SLC4A8: variants seen among roughly 807,000 people sequenced by gnomAD.
SLC4A8 encodes the protein solute carrier family 4 member 8, also known as electroneutral sodium bicarbonate exchanger 1.
In SLC4A8, 40 loss-of-function variants were observed where a neutral mutation model predicts 125.0. The observed-to-expected ratio is 0.32, with a 90% CI of 0.25 to 0.42. The LOEUF (loss-of-function observed/expected upper bound fraction) is 0.42, where lower values mean the gene tolerates loss of function less well. SLC4A8 is among the 10% of genes least tolerant of loss of function. The pLI is 1.00. For missense variants in SLC4A8, 863 were observed against 1,355.1 expected (o/e 0.64, Z 5.70); for synonymous variants, 456 against 476.0 (o/e 0.96, Z 0.55).
At chr12:51,423,343 G>C (rs1174859333), upstream of SLC4A8, among the ~76,000 whole-genome samples, 1 of 152,214 alleles carries the variant, frequency 6.6e-6, no homozygotes, top group African/African-American at 2.4e-5. Flanking sequence ...CTTCTTGGAA[G>C]AGGGTGGCTT....
At chr12:51,440,159 T>C (rs1949549319) in intron 1 of SLC4A8, among the ~76,000 whole-genome samples, 1 of 152,184 alleles carries the variant, frequency 6.6e-6, no homozygotes, top group Non-Finnish European at 1.5e-5. Flanking sequence ...GAGACCAATC[T>C]ACACCAAATG....
intron 1 of SLC4A8, among the ~76,000 whole-genome samples, chr12:51,405,752 G>T (rs1447322134): frequency 6.6e-6 from 1 of 152,144 alleles, no homozygotes; most frequent in African/African-American, 2.4e-5. Flanking sequence ...CCAGGTCAAA[G>T]GTTATGAACA....
chr12:51,498,003 A>T (rs907523372), intron 22 of SLC4A8: 1 of 152,026 alleles, frequency 6.6e-6, no homozygotes, highest in African/African-American at 2.4e-5. Context: ...GTGAGCTGTG[A>T]TCATGCCACT....
chr12:51,481,828 A>G (rs990619469), intron 16 of SLC4A8, among the ~76,000 whole-genome samples: 1 of 151,866 alleles, frequency 6.6e-6, no homozygotes, highest in East Asian at 1.9e-4. Flanking sequence ...GGTGTGTGAT[A>G]GTAGTCCCAG....
Position 51,474,965 on chromosome 12 carries a change from A to G in SLC4A8, c.2011-80A>G, listed in dbSNP as rs903371015. On this transcript the variant is annotated intron_variant, in intron 15 of 24. Transcript: ENST00000453097. ...TGCTCCCAACAACCATGGGATGACA[A>G]TGAGTGGTGGACTCAGTAGGAAACA... The G allele has an allele frequency of 3.9e-6, 5 of 1,270,030 alleles. No homozygotes were observed. The South Asian group carries it at 5.5e-5, about 14-fold the overall frequency. The allele number at this position is 1,270,030 out of a possible 1,614,324, so 78.7% of individuals were successfully genotyped here.
chr12:51,405,427 G>A (rs1013443140), intron 1 of SLC4A8, among the ~76,000 whole-genome samples: 3 of 152,364 alleles, frequency 2.0e-5, no homozygotes, highest in East Asian at 1.9e-4. Flanking sequence ...GCCTGTTGAT[G>A]TTCTGTGCCT....
intron 16 of SLC4A8, among the ~76,000 whole-genome samples, chr12:51,484,358 A>G (rs1182467083): frequency 1.3e-5 from 2 of 152,208 alleles, no homozygotes; most frequent in Admixed American, 1.3e-4. Context: ...GTCATCAGAT[A>G]GGAAGGAAAA....
chr12:51,497,791 G>A (rs914446996), intron 22 of SLC4A8: 1 of 148,890 alleles, frequency 6.7e-6, no homozygotes, highest in Non-Finnish European at 1.5e-5. Context: ...GCTTTTGGGA[G>A]TTGAAGCTGG....
At chr12:51,428,533 G>A (rs980195107) in intron 1 of SLC4A8, among the ~76,000 whole-genome samples, 4 of 152,154 alleles carry the variant, frequency 2.6e-5, no homozygotes, top group Non-Finnish European at 4.4e-5. Context: ...TTGCTCAGGC[G>A]TTGAAGCTGG....
At chr12:51,440,453 G>A (rs142917995) in intron 1 of SLC4A8, among the ~76,000 whole-genome samples, 25 of 150,470 alleles carry the variant, frequency 1.7e-4, no homozygotes, top group Middle Eastern at 6.9e-3. Context: ...TCCTAGCTCC[G>A]CCTTTTATGA....
chr12:51,441,612 T>C (rs1949601192), intron 2 of SLC4A8, among the ~76,000 whole-genome samples: 1 of 152,202 alleles, frequency 6.6e-6, no homozygotes, highest in African/African-American at 2.4e-5. Context: ...AGAAGCCACA[T>C]TTGGCTCAAA....
chr12:51,461,930 A>G (rs189313498), intron 9 of SLC4A8: 50 of 214,358 alleles, frequency 2.3e-4, no homozygotes, highest in African/African-American at 1.1e-3. Context: ...TAGTAATTCC[A>G]TCCAGTGTTT....
chr12:51,440,681 T>C, intron 1 of SLC4A8, 27 bp from the exon 2 acceptor site: 1 of 1,582,710 alleles, frequency 6.3e-7, no homozygotes, highest in East Asian at 2.2e-5. Context: ...TGTGTATTAC[T>C]GTGACTACTT....
chr12:51,503,401 C>T (rs924130868), intron 22 of SLC4A8, among the ~76,000 whole-genome samples: 8 of 144,082 alleles, frequency 5.6e-5, no homozygotes, highest in Admixed American at 1.4e-4. Flanking sequence ...TTAGTAGGAA[C>T]GAGGTTTCAC....
At chr12:51,403,332 T>C (rs1321565005) in intron 1 of SLC4A8, 1 of 434,158 alleles carries the variant, frequency 2.3e-6, no homozygotes, top group South Asian at 1.6e-5. Context: ...CAGAAAGCGT[T>C]ACTTACTCAT....
chr12:51,498,346 G>A (rs376169690), intron 22 of SLC4A8, among the ~76,000 whole-genome samples: 7 of 151,756 alleles, frequency 4.6e-5, no homozygotes, highest in East Asian at 3.9e-4. Flanking sequence ...TATAATTTAC[G>A]AAAAAGAAGT....
At chr12:51,436,771 C>T (rs775732190) in intron 1 of SLC4A8, among the ~76,000 whole-genome samples, 3 of 152,092 alleles carry the variant, frequency 2.0e-5, no homozygotes, top group Admixed American at 1.3e-4. Context: ...GGATTATAGG[C>T]GTGCACCACC....
intron 1 of SLC4A8, among the ~76,000 whole-genome samples, chr12:51,433,634 C>T (rs899577792): frequency 6.6e-6 from 1 of 152,088 alleles, no homozygotes; most frequent in African/African-American, 2.4e-5. Context: ...ATAAATGATA[C>T]TATCAGAGGA....
chr12:51,404,559 C>T lies in SLC4A8; in HGVS notation c.-112+13071C>T, dbSNP rs529205245. Among the ~76,000 whole-genome samples the T allele has an allele frequency of 3.9e-5, 6 of 152,288 alleles. No individual in the cohort carries two copies. The South Asian group carries it at 1.0e-3, about 26-fold the overall frequency. ...ATGAACTCCTCCCCCCGTCTTTTCTCCTCCATCCCCACATGACCACTGATG... is the reference window on the plus strand; with the variant it reads ...ATGAACTCCTCCCCCCGTCTTTTCTTCTCCATCCCCACATGACCACTGATG... On this transcript the variant is annotated intron_variant, in intron 1 of 24. Transcript: ENST00000358657.
Sources: gnomAD v4.1 joint callset for allele counts (sites outside exome capture counted in the v4.1 genomes callset) on GRCh38, gnomAD v4.1.1 for gene constraint, MANE v1.5 for transcripts, NCBI Gene and HGNC (gene_info 2026-07-23, HGNC 2026-07-21) for gene names.